Variants in ZNF787 observed in about 807,000 individuals in gnomAD.
The protein encoded by ZNF787 is zinc finger protein 787, also known as TTF-I-interacting peptide 20.
Under a neutral mutation model 16.9 loss-of-function variants are expected in ZNF787, and 7 were observed. That is an observed-to-expected ratio of 0.42 (90% CI 0.24 to 0.78). The LOEUF is 0.78. Ranked by LOEUF, ZNF787 falls within the 30% of genes least tolerant of loss-of-function variation. The probability of loss-of-function intolerance (pLI) is 0.30; values close to 1 mark genes in which losing one functional copy is unlikely to be tolerated. For synonymous variants in ZNF787, 345 were observed against 270.9 expected (o/e 1.27, Z -2.69); for missense variants, 551 against 589.3 (o/e 0.94, Z 0.67).
At chr19:56,098,490 G>A (rs529430752) in intron 2 of ZNF787, among the ~76,000 whole-genome samples, 61 of 149,918 alleles carry the variant, frequency 4.1e-4, no homozygotes, top group Non-Finnish European at 6.1e-4. Context: ...GATGCCGCCC[G>A]GGTGATTACG....
chr19:56,094,508 T>C (rs528813062), intron 2 of ZNF787, among the ~76,000 whole-genome samples: 2 of 152,126 alleles, frequency 1.3e-5, no homozygotes, highest in African/African-American at 2.4e-5. Flanking sequence ...TGATCCTCCT[T>C]CTTGCCTTCA....
intron 1 of ZNF787, among the ~76,000 whole-genome samples, chr19:56,114,570 G>C (rs529681075): frequency 8.3e-4 from 126 of 152,220 alleles, no homozygotes; most frequent in Non-Finnish European, 1.6e-3. Flanking sequence ...CACCTGCCTG[G>C]CTCAGTCTCA....
At chr19:56,105,882 C>CTCCGGCCGCGCCCACGGCAGTCACCGCG (rs1568531068) in intron 1 of ZNF787, among the ~76,000 whole-genome samples, 1 of 151,738 alleles carries the variant, frequency 6.6e-6, no homozygotes, top group African/African-American at 2.4e-5. Flanking sequence ...CCGCGCATTC[C>CTCCGGCCGCGCCCACGGCAGTCACCGCG]CCCGGCCGCG....
chr19:56,097,529 G>A lies in ZNF787; in HGVS notation c.79+5610C>T, dbSNP rs555364305. Among the ~76,000 whole-genome samples the A allele has an allele frequency of 8.5e-5, 13 of 152,378 alleles. No individual in the cohort carries two copies. The East Asian group carries it at 1.3e-3, about 16-fold the overall frequency. On this transcript the variant is annotated intron_variant, in intron 2 of 2. Transcript: ENST00000610935. ...CCCGGCAGGCAGTAGGATGGACTGC[G>A]TGGACGGCGGCCAGCATGTAAATGA... is the stretch of plus-strand genomic sequence containing the variant.
intron 1 of ZNF787, among the ~76,000 whole-genome samples, chr19:56,115,214 C>A (rs973642012): frequency 6.6e-6 from 1 of 152,086 alleles, no homozygotes; most frequent in East Asian, 1.9e-4. Context: ...TCGTCTGAGC[C>A]GGTTTTGGCA....
At chr19:56,109,287 C>T (rs2029911873) in intron 1 of ZNF787, among the ~76,000 whole-genome samples, 1 of 152,102 alleles carries the variant, frequency 6.6e-6, no homozygotes, top group Non-Finnish European at 1.5e-5. Flanking sequence ...ACAGAACAGG[C>T]CACCCCAGTG....
chr19:56,092,869 GAC>G (rs1985689122), intron 2 of ZNF787, among the ~76,000 whole-genome samples: 1 of 151,032 alleles, frequency 6.6e-6, no homozygotes, highest in African/African-American at 2.4e-5. Flanking sequence ...GATCCCCATA[GAC>G]ACAGGGGATG....
intron 2 of ZNF787, among the ~76,000 whole-genome samples, chr19:56,097,858 G>T (rs1340674765): frequency 3.3e-5 from 5 of 152,154 alleles, no homozygotes; most frequent in Admixed American, 6.5e-5. Context: ...ATCAGCAGGG[G>T]CAACCCTACT....
intron 2 of ZNF787, among the ~76,000 whole-genome samples, chr19:56,091,406 C>G (rs921212112): frequency 3.3e-5 from 5 of 152,186 alleles, no homozygotes; most frequent in Admixed American, 3.3e-4. Flanking sequence ...GCAGCTAAGA[C>G]AGGGGCACTG....
At position 56,087,915 on chromosome 19, in the gene ZNF787, G is replaced by C. The variant is rs918143269; in HGVS notation, c.*108C>G. 4 of 1,276,822 alleles carry C rather than the reference G, an allele frequency of 3.1e-6. No individual in the cohort carries two copies. The highest frequency in any genetic ancestry group is 7.1e-5 in the East Asian group (2 of 28,056). The allele number at this position is 1,276,822 out of a possible 1,614,324, so 79.1% of individuals were successfully genotyped here. A position where few individuals can be genotyped will look rare whatever the true frequency, so the allele number is the denominator to read the frequency against. On this transcript the variant is annotated 3_prime_UTR_variant, in exon 3 of 3. Transcript: ENST00000610935. ...GAGGGCGGGGAGCCGGGGATGCCGC[G>C]GGGTCCATCGCACCCCGTCCGCTTC...
chr19:56,106,753 T>TCCAGG (rs1267561911), intron 1 of ZNF787, among the ~76,000 whole-genome samples: 1 of 151,492 alleles, frequency 6.6e-6, no homozygotes, highest in African/African-American at 2.5e-5. Context: ...AGCACCTCAT[T>TCCAGG]CCAGGCCGGG....
At chr19:56,089,286 G>A (rs1214515359) in intron 2 of ZNF787, among the ~76,000 whole-genome samples, 194 bp from the exon 3 acceptor site, 1 of 152,068 alleles carries the variant, frequency 6.6e-6, no homozygotes, top group Non-Finnish European at 1.5e-5. Context: ...CCTCAGCTCT[G>A]TGTGAGTTAA....
chr19:56,111,825 G>A (rs563660222), intron 1 of ZNF787, among the ~76,000 whole-genome samples: 3 of 152,266 alleles, frequency 2.0e-5, no homozygotes, highest in South Asian at 2.1e-4. Flanking sequence ...AGTCCTTGGC[G>A]TCATCACCGG....
In ZNF787 at chr19:56,087,693, G is replaced by C. The variant is rs985061070; in HGVS notation, c.*330C>G. Reference sequence around the variant, plus strand: ...CCCACCCCCGCCCCGGACAACTGAGGAAGAGCAGGGAAAATGGCCTTCCGC... The same window carrying C: ...CCCACCCCCGCCCCGGACAACTGAGCAAGAGCAGGGAAAATGGCCTTCCGC... On this transcript the variant is annotated 3_prime_UTR_variant, in exon 3 of 3. Transcript: ENST00000610935. 5.4e-6 allele frequency: 1 copy of C among 186,444 alleles called. No homozygotes were observed. Among genetic ancestry groups the C allele is most frequent in the Non-Finnish European group, 1.1e-5 (1 of 91,574 alleles). 11.5% of individuals were successfully genotyped at this position (186,444 alleles called of 1,614,324 possible). A position where few individuals can be genotyped will look rare whatever the true frequency, so the allele number is the denominator to read the frequency against.
At chr19:56,093,567 C>T (rs1053126763) in intron 2 of ZNF787, among the ~76,000 whole-genome samples, 1 of 152,114 alleles carries the variant, frequency 6.6e-6, no homozygotes, top group African/African-American at 2.4e-5. Flanking sequence ...CTGCTCACAC[C>T]CTCCTCCCAT....
Position 56,087,854 on chromosome 19 carries a change from C to T in ZNF787, c.*169G>A. The T allele has an allele frequency of 2.7e-6, 3 of 1,115,314 alleles. No individual in the cohort carries two copies. Among genetic ancestry groups the T allele is most frequent in the Non-Finnish European group, 3.4e-6 (3 of 876,058 alleles). The allele number at this position is 1,115,314 out of a possible 1,614,324, so 69.1% of individuals were successfully genotyped here. A position where few individuals can be genotyped will look rare whatever the true frequency, so the allele number is the denominator to read the frequency against. ...GGAGAAGTGAACGGGCCCTAATACG[C>T]CCCAGTGCCCCCCCACGGACGGCGC... On this transcript the variant is annotated 3_prime_UTR_variant, in exon 3 of 3. Coordinates refer to ENST00000610935, the MANE Select transcript of ZNF787 (RefSeq NM_001002836.4).
intron 2 of ZNF787, chr19:56,102,052 T>C (rs572861969): frequency 3.9e-5 from 6 of 152,338 alleles, no homozygotes; most frequent in African/African-American, 1.4e-4. Context: ...CACAGGGAGC[T>C]TCTGTTCATG....
At chr19:56,101,249 G>A (rs938831889) in intron 2 of ZNF787, among the ~76,000 whole-genome samples, 1 of 152,280 alleles carries the variant, frequency 6.6e-6, no homozygotes, top group African/African-American at 2.4e-5. Context: ...GACCCCACAC[G>A]GGAGTTACGC....
chr19:56,091,543 C>G (rs1309262439), intron 2 of ZNF787, among the ~76,000 whole-genome samples: 1 of 152,198 alleles, frequency 6.6e-6, no homozygotes, highest in Non-Finnish European at 1.5e-5. Context: ...TACCTAGAAC[C>G]AGGGAGAACC....
Sources: allele counts gnomAD v4.1 joint callset (sites outside exome capture counted in the v4.1 genomes callset), GRCh38; gene constraint gnomAD v4.1.1; transcripts MANE v1.5; gene names NCBI Gene and HGNC (gene_info 2026-07-23, HGNC 2026-07-21).